Variants in PLCXD3 observed in about 807,000 individuals in gnomAD.
The protein encoded by PLCXD3 is PI-PLC X domain-containing protein 3.
Under a neutral mutation model 25.5 loss-of-function variants are expected in PLCXD3, and 19 were observed. The observed-to-expected ratio is 0.75, with a 90% confidence interval of 0.52 to 1.09. The LOEUF is 1.09. Ranked by LOEUF, PLCXD3 falls within the 50% of genes least tolerant of loss-of-function variation. The pLI, the probability that PLCXD3 is intolerant of heterozygous loss-of-function variation, is 0.00. For synonymous variants in PLCXD3, 174 were observed against 137.6 expected (o/e 1.26, Z -1.85); for missense variants, 411 against 388.1 (o/e 1.06, Z -0.50).
At chr5:41,402,718 T>A (rs974149019) in intron 1 of PLCXD3, among the ~76,000 whole-genome samples, 1 of 152,004 alleles carries the variant, frequency 6.6e-6, no homozygotes, top group African/African-American at 2.4e-5. Flanking sequence ...TTTTGCTTTA[T>A]ATATTTTGAA....
chr5:41,447,089 G>T (rs1747521886), intron 1 of PLCXD3, among the ~76,000 whole-genome samples: 1 of 152,194 alleles, frequency 6.6e-6, no homozygotes, highest in Non-Finnish European at 1.5e-5. Context: ...AAAGCGTCAT[G>T]AAGGTTGGCT....
At chr5:41,486,137 G>A (rs1489297694) in intron 1 of PLCXD3, among the ~76,000 whole-genome samples, 1 of 152,116 alleles carries the variant, frequency 6.6e-6, no homozygotes, top group Non-Finnish European at 1.5e-5. Context: ...GAAAAGTCTG[G>A]TGATACAAGC....
chr5:41,320,595 C>T (rs1323399228), intron 2 of PLCXD3, among the ~76,000 whole-genome samples: 2 of 152,346 alleles, frequency 1.3e-5, no homozygotes, highest in Admixed American at 1.3e-4. Context: ...CTCCCGGGTT[C>T]ACACCATTCT....
rs568494127 is a variant in PLCXD3, at chr5:41,348,936, G to A, written c.812+32890C>T. ...GTGAAAAATAGTAGGGTCTAAAAAG[G>A]TCAAATAATAACCACACATCCATGT... On this transcript the variant is annotated intron_variant, in intron 2 of 2. Transcript: ENST00000377801. Among the ~76,000 whole-genome samples the A allele has an allele frequency of 3.0e-3, 453 of 152,288 alleles. 3 individuals carry two copies. The highest frequency in any genetic ancestry group is 9.5e-3 in the African/African-American group (396 of 41,554).
intron 1 of PLCXD3, among the ~76,000 whole-genome samples, chr5:41,438,611 T>G (rs773918288): frequency 6.6e-6 from 1 of 152,146 alleles, no homozygotes; most frequent in Non-Finnish European, 1.5e-5. Context: ...TCCTCTTTCC[T>G]TTTTCCCTTT....
intron 1 of PLCXD3, among the ~76,000 whole-genome samples, chr5:41,388,884 A>G (rs1215674873): frequency 2.0e-5 from 3 of 151,894 alleles, no homozygotes; most frequent in African/African-American, 7.2e-5. Flanking sequence ...TAATAGAATA[A>G]TAACACTACA....
intron 2 of PLCXD3, among the ~76,000 whole-genome samples, chr5:41,376,013 G>A (rs924115991): frequency 6.6e-6 from 1 of 152,200 alleles, no homozygotes; most frequent in Middle Eastern, 3.4e-3. Context: ...AAATCATGTA[G>A]CGCTCTTAGC....
intron 2 of PLCXD3, among the ~76,000 whole-genome samples, chr5:41,362,995 A>G (rs1166070802): frequency 6.6e-6 from 1 of 152,182 alleles, no homozygotes; most frequent in Non-Finnish European, 1.5e-5. Flanking sequence ...TTTACAACAT[A>G]TTATAGTACA....
At chr5:41,379,856 C>A (rs1466393710) in intron 2 of PLCXD3, among the ~76,000 whole-genome samples, 16 of 151,886 alleles carry the variant, frequency 1.1e-4, no homozygotes, top group Admixed American at 1.0e-3. Flanking sequence ...TAGAAAGGGA[C>A]CTACCATACA....
At chr5:41,441,370 C>A (rs1051837000) in intron 1 of PLCXD3, among the ~76,000 whole-genome samples, 11 of 152,202 alleles carry the variant, frequency 7.2e-5, no homozygotes, top group African/African-American at 2.4e-4. Context: ...TTTTCAAGAT[C>A]ATTTTGCATG....
intron 2 of PLCXD3, among the ~76,000 whole-genome samples, chr5:41,357,076 A>G (rs1393092180): frequency 2.0e-5 from 3 of 152,226 alleles, no homozygotes; most frequent in Admixed American, 2.0e-4. Flanking sequence ...TGAGATGGGC[A>G]TATGCTTACT....
chr5:41,485,978 A>G (rs898375423), intron 1 of PLCXD3, among the ~76,000 whole-genome samples: 4 of 152,200 alleles, frequency 2.6e-5, no homozygotes, highest in African/African-American at 7.2e-5. Context: ...GGTTACAATC[A>G]GCCTTGTAAC....
In PLCXD3 at chr5:41,489,431, A is replaced by G. The variant is rs1439811731; in HGVS notation, c.103+20993T>C. On this transcript the variant is annotated intron_variant, in intron 1 of 2. Transcript: ENST00000377801. ...GATGCGGGCTCTTTTTTGGTTCCATATGAACTTTAAAGTAGTTTTTTCCAA... is the reference window on the plus strand; with the variant it reads ...GATGCGGGCTCTTTTTTGGTTCCATGTGAACTTTAAAGTAGTTTTTTCCAA... 6.6e-5 allele frequency among the ~76,000 whole-genome samples: 10 copies of G among 152,150 alleles called. No homozygotes were observed. In the East Asian group the frequency reaches 1.9e-3, roughly 29 times the overall value.
intron 1 of PLCXD3, among the ~76,000 whole-genome samples, chr5:41,504,283 C>G (rs967640789): frequency 1.3e-5 from 2 of 152,056 alleles, no homozygotes; most frequent in African/African-American, 4.8e-5. Flanking sequence ...AAGAGGAAGT[C>G]AATACAAACA....
chr5:41,420,255 G>C (rs1746788520), intron 1 of PLCXD3, among the ~76,000 whole-genome samples: 1 of 152,114 alleles, frequency 6.6e-6, no homozygotes, highest in African/African-American at 2.4e-5. Flanking sequence ...AAAGGGAATA[G>C]AAGAAAACTG....
At chr5:41,348,861 G>A (rs1744374954) in intron 2 of PLCXD3, among the ~76,000 whole-genome samples, 1 of 152,216 alleles carries the variant, frequency 6.6e-6, no homozygotes, top group East Asian at 1.9e-4. Context: ...ATTTCCTTCA[G>A]AAAAAGCATG....
At chr5:41,330,337 A>G (rs1580303829) in intron 2 of PLCXD3, among the ~76,000 whole-genome samples, 1 of 152,264 alleles carries the variant, frequency 6.6e-6, no homozygotes, top group African/African-American at 2.4e-5. Context: ...AATAAACTAG[A>G]AAATCAAGAA....
At chr5:41,411,638 T>C (rs1471040557) in intron 1 of PLCXD3, among the ~76,000 whole-genome samples, 1 of 152,086 alleles carries the variant, frequency 6.6e-6, no homozygotes, top group Non-Finnish European at 1.5e-5. Flanking sequence ...CTGAATAGTA[T>C]CACCTTCATG....
rs79506252 is a variant in PLCXD3 at position 41,396,789 on chromosome 5, C to T, written c.104-14255G>A. Among the ~76,000 whole-genome samples, 902 of 152,330 alleles carry T rather than the reference C, an allele frequency of 5.9e-3. 13 individuals carry two copies. Among genetic ancestry groups the T allele is most frequent in the African/African-American group, 0.02 (846 of 41,568 alleles). ...ACTTATTGAAAACTGGAGCAAAGCT[C>T]GCACTTGCTATGCTTCAGCAAAGAG... On this transcript the variant is annotated intron_variant, in intron 1 of 2. Transcript: ENST00000377801.
Sources: gnomAD v4.1 joint callset for allele counts (sites outside exome capture counted in the v4.1 genomes callset) on GRCh38, gnomAD v4.1.1 for gene constraint, MANE v1.5 for transcripts, NCBI Gene and HGNC (gene_info 2026-07-23, HGNC 2026-07-21) for gene names.